The following PHC2 variants were observed in gnomAD, a reference collection of about 807,000 sequenced individuals.
PHC2 encodes the protein polyhomeotic homolog 2.
PHC2 carries 29 observed loss-of-function variants against 87.4 expected under a neutral mutation model. The observed-to-expected ratio is 0.33, with a 90% CI of 0.25 to 0.45. The LOEUF (loss-of-function observed/expected upper bound fraction) is 0.45, where lower values mean the gene tolerates loss of function less well. PHC2 is among the 20% of genes least tolerant of loss of function. The probability of loss-of-function intolerance (pLI) is 1.00; values close to 1 mark genes in which losing one functional copy is unlikely to be tolerated. For missense variants in PHC2, 857 were observed against 1,136.7 expected (o/e 0.75, Z 3.54); for synonymous variants, 438 against 461.7 (o/e 0.95, Z 0.66).
chr1:33,347,597 A>T (rs746035747), intron 9 of PHC2: 22 of 985,344 alleles, frequency 2.2e-5, no homozygotes, highest in Admixed American at 1.8e-4. Flanking sequence ...AAAACAGGAG[A>T]GAAAACATAG....
intron 1 of PHC2, among the ~76,000 whole-genome samples, chr1:33,378,706 G>A (rs1648305622): frequency 6.6e-6 from 1 of 152,118 alleles, no homozygotes; most frequent in African/African-American, 2.4e-5. Flanking sequence ...GAGCAATCAA[G>A]AGAGTAAGAG....
intron 10 of PHC2, chr1:33,333,839 C>T (rs1393252049): frequency 4.7e-5 from 22 of 467,950 alleles, no homozygotes; most frequent in South Asian, 4.6e-4. Flanking sequence ...CAGGCAGGGA[C>T]ACACCTGAGT....
intron 14 of PHC2, among the ~76,000 whole-genome samples, chr1:33,327,613 C>T (rs748392379): frequency 2.0e-4 from 31 of 152,350 alleles, no homozygotes; most frequent in Middle Eastern, 3.4e-3. Context: ...AATGCCAGTA[C>T]GTGGCTTCAG....
intron 7 of PHC2, among the ~76,000 whole-genome samples, chr1:33,355,616 C>G (rs779569104): frequency 2.0e-5 from 3 of 152,230 alleles, no homozygotes; most frequent in Non-Finnish European, 4.4e-5. Context: ...CCTCCATGCC[C>G]TTCACCTGCT....
intron 1 of PHC2, among the ~76,000 whole-genome samples, chr1:33,386,411 C>G (rs1217467922): frequency 6.6e-6 from 1 of 151,684 alleles, no homozygotes; most frequent in Non-Finnish European, 1.5e-5. Flanking sequence ...CCCAGCTACT[C>G]ATGAGGCTGA....
chr1:33,353,802 CT>C (rs1160487265), intron 9 of PHC2, among the ~76,000 whole-genome samples: 1 of 152,200 alleles, frequency 6.6e-6, no homozygotes, highest in Admixed American at 6.5e-5. Context: ...GGCGGAGGTA[CT>C]GCTGTGCCTC....
At chr1:33,325,160 C>A in intron 14 of PHC2, 141 bp from the exon 15 acceptor site, 1 of 822,984 alleles carries the variant, frequency 1.2e-6, no homozygotes, top group Admixed American at 3.0e-5. Flanking sequence ...GAGGAAGGCG[C>A]TGCTGTTCTT....
intron 1 of PHC2, among the ~76,000 whole-genome samples, chr1:33,385,002 AT>A (rs1260468935): frequency 1.3e-5 from 2 of 152,246 alleles, no homozygotes; most frequent in Admixed American, 6.5e-5. Context: ...CTTTGAAACT[AT>A]TAGTAGCCAT....
chr1:33,392,670 A>T (rs1649119382), intron 1 of PHC2: 2 of 152,196 alleles, frequency 1.3e-5, no homozygotes, highest in South Asian at 4.1e-4. Flanking sequence ...AACCCAAAGC[A>T]GATTGTCCTA....
chr1:33,361,922 CCT>C (rs1647203811), intron 7 of PHC2, among the ~76,000 whole-genome samples: 1 of 152,214 alleles, frequency 6.6e-6, no homozygotes, highest in South Asian at 2.1e-4. Context: ...AATATAATCA[CCT>C]CTGTTTTACG....
intron 1 of PHC2, among the ~76,000 whole-genome samples, chr1:33,390,293 C>A (rs1648984712): frequency 6.6e-6 from 1 of 152,128 alleles, no homozygotes; most frequent in Admixed American, 6.5e-5. Flanking sequence ...TTAACTTATC[C>A]ATTTATGGAC....
chr1:33,346,616 T>C (rs1023678486), intron 9 of PHC2: 1 of 985,330 alleles, frequency 1.0e-6, no homozygotes, highest in Admixed American at 6.1e-5. Context: ...TGAGCAGCAT[T>C]ACAGGAACTG....
intron 9 of PHC2, among the ~76,000 whole-genome samples, chr1:33,352,437 C>G (rs1346439213): frequency 6.6e-6 from 1 of 152,096 alleles, no homozygotes; most frequent in East Asian, 1.9e-4. Flanking sequence ...AAGTTGCTAC[C>G]TCAGAGGGTT....
chr1:33,397,814 C>T (rs1649356364), intron 1 of PHC2, among the ~76,000 whole-genome samples: 1 of 152,032 alleles, frequency 6.6e-6, no homozygotes, highest in Admixed American at 6.6e-5. Flanking sequence ...AGGAAAATAC[C>T]CTTGATGACC....
chr1:33,379,353 GCCCCCCCCAT>G (rs1648363969), intron 1 of PHC2, among the ~76,000 whole-genome samples: 1 of 39,470 alleles, frequency 2.5e-5, no homozygotes, highest in African/African-American at 1.0e-4. Context: ...ACCGCCCCCT[GCCCCCCCCAT>G]CCCCCCTGTC....
chr1:33,430,904 G>C (rs918136757), intron 1 of PHC2, 72 bp downstream of exon 1: 1 of 150,664 alleles, frequency 6.6e-6, no homozygotes, highest in Non-Finnish European at 1.5e-5. Context: ...CCGGCAGCGC[G>C]GCGGCCGGTG....
chr1:33,364,700 G>C lies in PHC2; in HGVS notation c.976+2416C>G, dbSNP rs1570487921. Reference sequence around the variant, plus strand: ...TCTCTGGGCTTACAGAGAGGAAGGGGTGGGAGAGAGGAAGAATGAACAGGA... The same window carrying C: ...TCTCTGGGCTTACAGAGAGGAAGGGCTGGGAGAGAGGAAGAATGAACAGGA... On this transcript the variant is annotated intron_variant, in intron 7 of 14. Coordinates refer to ENST00000683057, the MANE Select transcript of PHC2 (RefSeq NM_001385109.1). The surrounding 1 kb of genome is among the most constrained non-coding windows in gnomAD (Gnocchi z 4.1). Among the ~76,000 whole-genome samples, 1 of 152,334 alleles carries C rather than the reference G, an allele frequency of 6.6e-6. No individual in the cohort carries two copies. The highest frequency in any genetic ancestry group is 2.1e-4 in the South Asian group (1 of 4,830).
intron 1 of PHC2, among the ~76,000 whole-genome samples, chr1:33,399,604 A>T (rs1161073769): frequency 6.6e-6 from 1 of 152,222 alleles, no homozygotes; most frequent in Non-Finnish European, 1.5e-5. Context: ...AGGCCTTCAC[A>T]TAACCTAATG....
chr1:33,356,253 A>ATATATATATATATATATATG (rs1417921399), intron 7 of PHC2, among the ~76,000 whole-genome samples: 2,957 of 50,554 alleles, frequency 0.058, 112 homozygotes, highest in Non-Finnish European at 0.088. Context: ...AAATTCTTAT[A>ATATATATATATATATATATG]TATATATATA....
Sources: allele counts gnomAD v4.1 joint callset (sites outside exome capture counted in the v4.1 genomes callset), GRCh38; gene constraint gnomAD v4.1.1; non-coding constraint Gnocchi (gnomAD v3.1); transcripts MANE v1.5; gene names NCBI Gene and HGNC (gene_info 2026-07-23, HGNC 2026-07-21).